CDC26: variants seen among roughly 807,000 people sequenced by gnomAD.
CDC26 encodes cell division cycle 26, also known as anaphase-promoting complex subunit CDC26.
Under a neutral mutation model 8.0 loss-of-function variants are expected in CDC26, and 2 were observed. The observed-to-expected ratio is 0.25, with a 90% CI of 0.10 to 0.79. The LOEUF (loss-of-function observed/expected upper bound fraction) is 0.79, where lower values mean the gene tolerates loss of function less well. Ranked by LOEUF, CDC26 falls within the 30% of genes least tolerant of loss-of-function variation. The pLI is 0.70. For missense variants in CDC26, 68 were observed against 106.0 expected, an observed-to-expected ratio of 0.64 and a Z score of 1.57; for synonymous variants, 19 against 34.9, an observed-to-expected ratio of 0.55 and a Z score of 1.60.
chr9:113,268,002 G>A (rs1347346590), intron 3 of CDC26, among the ~76,000 whole-genome samples: 1 of 151,732 alleles, frequency 6.6e-6, no homozygotes, highest in African/African-American at 2.4e-5. Flanking sequence ...AACAAAAGAT[G>A]TAACCCCTAC....
intron 1 of CDC26, 159 bp downstream of exon 1, chr9:113,275,223 C>A (rs573071407): frequency 1.3e-5 from 2 of 153,064 alleles, no homozygotes; most frequent in East Asian, 1.9e-4. Context: ...TAGCTCCAGG[C>A]CTGTACCTCG....
chr9:113,267,250 A>C lies in CDC26; in HGVS notation c.*13T>G. 1 of 1,455,472 alleles carries C rather than the reference A, an allele frequency of 6.9e-7. No homozygotes were observed. The highest frequency in any genetic ancestry group is 9.3e-7 in the Non-Finnish European group (1 of 1,077,350). The allele number at this position is 1,455,472 out of a possible 1,614,324, so 90.2% of individuals were successfully genotyped here. A position where few individuals can be genotyped will look rare whatever the true frequency, so the allele number is the denominator to read the frequency against. The stretch of plus-strand genomic sequence containing the variant: ...TTCCATTCCAGCGCTCTGGCATGCA[A>C]GATAATCCATCTCTAAAATTCAAGA... On this transcript the variant is annotated 3_prime_UTR_variant, in exon 4 of 4. Transcript: ENST00000374206.
In CDC26 at chr9:113,267,105, A is replaced by T. The variant is rs796579544; in HGVS notation, c.*158T>A. On this transcript the variant is annotated 3_prime_UTR_variant, in exon 4 of 4. Transcript: ENST00000374206. ...CAAACCAGAGTTTGGATTCCAGCTT[A>T]GAGTGCAAGTGAAGCATCAGTAATC... 9.3e-5 allele frequency: 47 copies of T among 503,172 alleles called. No homozygotes were observed. Among genetic ancestry groups the T allele is most frequent in the African/African-American group, 8.7e-4 (45 of 51,862 alleles). The allele number at this position is 503,172 out of a possible 1,614,324, so 31.2% of individuals were successfully genotyped here.
At chr9:113,275,102 CTCT>C (rs1442810626) in intron 1 of CDC26, among the ~76,000 whole-genome samples, 2 of 152,138 alleles carry the variant, frequency 1.3e-5, no homozygotes, top group Non-Finnish European at 2.9e-5. Context: ...CACTAGCGGG[CTCT>C]TCTAGCTTAA....
chr9:113,269,599 T>C (rs554755798), intron 3 of CDC26, among the ~76,000 whole-genome samples: 1 of 152,326 alleles, frequency 6.6e-6, no homozygotes, highest in African/African-American at 2.4e-5. Context: ...TAAAACCCAC[T>C]AGATAACTGT....
rs1831876428 is a variant in CDC26 at position 113,267,174 on chromosome 9, C to A, written c.*89G>T. On this transcript the variant is annotated 3_prime_UTR_variant, in exon 4 of 4. Transcript: ENST00000374206. ...TCTGCAGGAGGTACATTCTGCTTGA[C>A]TGCAAGCACTCAATTCTCTAAATCT... 1.7e-5 allele frequency: 13 copies of A among 752,608 alleles called. No homozygotes were observed. The highest frequency in any genetic ancestry group is 2.7e-5 in the Non-Finnish European group (13 of 482,034). The allele number at this position is 752,608 out of a possible 1,614,324, so 46.6% of individuals were successfully genotyped here.
At chr9:113,267,568 A>T in intron 3 of CDC26, 129 bp from the exon 4 acceptor site, 3 of 1,245,700 alleles carry the variant, frequency 2.4e-6, no homozygotes, top group Non-Finnish European at 3.3e-6. Context: ...ATAAACTGAA[A>T]TCCTAGGTTT....
intron 3 of CDC26, 64 bp downstream of exon 3, chr9:113,272,363 T>G (rs1831972134): frequency 2.4e-6 from 3 of 1,274,676 alleles, no homozygotes; most frequent in South Asian, 2.4e-5. Flanking sequence ...ATCATGCCAC[T>G]GTACTCCAGC....
chr9:113,271,609 G>A (rs1170663298), intron 3 of CDC26, among the ~76,000 whole-genome samples: 1 of 152,154 alleles, frequency 6.6e-6, no homozygotes, highest in East Asian at 1.9e-4. Flanking sequence ...TGGCCCTCCT[G>A]ACACCTAAAT....
chr9:113,273,724 G>C (rs1831996594), intron 1 of CDC26, among the ~76,000 whole-genome samples: 1 of 149,220 alleles, frequency 6.7e-6, no homozygotes, highest in Admixed American at 6.8e-5. Context: ...TGTACCTGTA[G>C]TCCTAGCTAC....
chr9:113,274,689 C>A (rs1832027926), intron 1 of CDC26, among the ~76,000 whole-genome samples: 1 of 152,250 alleles, frequency 6.6e-6, no homozygotes, highest in Non-Finnish European at 1.5e-5. Context: ...CAATTCGTTT[C>A]ATTTCTCACT....
At position 113,267,787 on chromosome 9, in the gene CDC26, G is replaced by A. The variant is rs113422159; in HGVS notation, c.82-348C>T. ...GCGGATCACGAGGTCAGGAGATCGA[G>A]ACCACCCTAGCCAACATGGTGAAAC... is the stretch of plus-strand genomic sequence containing the variant. On this transcript the variant is annotated intron_variant, in intron 3 of 3. Coordinates refer to ENST00000374206, the MANE Select transcript of CDC26 (RefSeq NM_139286.4). Among the ~76,000 whole-genome samples the A allele has an allele frequency of 1.2e-3, 178 of 152,226 alleles. 2 individuals are homozygous for A. The highest frequency in any genetic ancestry group is 3.9e-3 in the African/African-American group (160 of 41,542).
rs936928168 is a variant in CDC26 at position 113,272,416 on chromosome 9, T to C, written c.81+11A>G. ...ACTCCATCTCAAAAAAACACAAAGT[T>C]GTATTCATACCTCCAGGTCCTTTCG... is the stretch of plus-strand genomic sequence containing the variant. On this transcript the variant is annotated intron_variant, in intron 3 of 3. Coordinates refer to ENST00000374206, the MANE Select transcript of CDC26 (RefSeq NM_139286.4). 25 of 1,601,450 alleles carry C rather than the reference T, an allele frequency of 1.6e-5. No individual in the cohort carries two copies. The highest frequency in any genetic ancestry group is 2.0e-5 in the Non-Finnish European group (23 of 1,170,244).
chr9:113,270,108 A>C (rs973576116), intron 3 of CDC26, among the ~76,000 whole-genome samples: 3 of 152,204 alleles, frequency 2.0e-5, no homozygotes, highest in African/African-American at 7.2e-5. Flanking sequence ...CAGGAGGATA[A>C]GGTTGAGCCT....
At chr9:113,270,427 GCAAA>G (rs1276084676) in intron 3 of CDC26, among the ~76,000 whole-genome samples, 3 of 152,140 alleles carry the variant, frequency 2.0e-5, no homozygotes, top group Non-Finnish European at 2.9e-5. Context: ...CAATGGTGAA[GCAAA>G]CAGACATGAT....
At chr9:113,270,103 G>C (rs10123780) in intron 3 of CDC26, among the ~76,000 whole-genome samples, 36,568 of 152,042 alleles carry the variant, frequency 0.24, 4,768 homozygotes, top group African/African-American at 0.32. Flanking sequence ...TAGCACAGGA[G>C]GATAAGGTTG....
At chr9:113,270,847 T>C (rs1033150604) in intron 3 of CDC26, among the ~76,000 whole-genome samples, 6 of 152,238 alleles carry the variant, frequency 3.9e-5, no homozygotes, top group African/African-American at 1.4e-4. Flanking sequence ...GATTTTGTTA[T>C]AAGTGCAGAA....
Position 113,272,678 on chromosome 9 carries a change from A to G in CDC26, c.-41-130T>C. 5.6e-6 allele frequency: 3 copies of G among 531,474 alleles called. No homozygotes were observed. The South Asian group carries it at 6.5e-5, about 12-fold the overall frequency. 32.9% of individuals were successfully genotyped at this position (531,474 alleles called of 1,614,324 possible). On this transcript the variant is annotated intron_variant, in intron 2 of 3. Transcript: ENST00000374206. ...TAAAAATTTATTTGAATTTACACATAGACTTCTAAAGTCTTTTTTTTTTTT... is the reference window on the plus strand; with the variant it reads ...TAAAAATTTATTTGAATTTACACATGGACTTCTAAAGTCTTTTTTTTTTTT...
In CDC26 at chr9:113,267,411, T is replaced by C; in HGVS notation, c.110A>G (p.Glu37Gly). The change falls in exon 4 of 4, where the codon GAA becomes GGA. Residue 37 changes from glutamate (E) to glycine (G), a missense_variant. By Grantham distance (98) the Glu-to-Gly change is moderately conservative (BLOSUM62 -2). Coordinates refer to ENST00000374206, the MANE Select transcript of CDC26 (RefSeq NM_139286.4). ...ETRKKQKEDV[E>G]VVGGSDGEGA... ...TTCTCCATCACTGCCTCCTACAACTTCCACATCTTCCTTCTGTTTCTTACG... is the reference window on the plus strand; with the variant it reads ...TTCTCCATCACTGCCTCCTACAACTCCCACATCTTCCTTCTGTTTCTTACG... 1 of 1,595,816 alleles carries C rather than the reference T, an allele frequency of 6.3e-7. No individual in the cohort carries two copies. Among genetic ancestry groups the C allele is most frequent in the Non-Finnish European group, 8.5e-7 (1 of 1,174,574 alleles).
Sources: gnomAD v4.1 joint callset for allele counts (sites outside exome capture counted in the v4.1 genomes callset) on GRCh38, gnomAD v4.1.1 for gene constraint, MANE v1.5 for transcripts, NCBI Gene and HGNC (gene_info 2026-07-23, HGNC 2026-07-21) for gene names.